Variants in GPC6 observed in about 807,000 individuals in gnomAD.
GPC6 encodes glypican-6.
In GPC6, 14 loss-of-function variants were observed where a neutral mutation model predicts 55.2. That is an observed-to-expected ratio of 0.25 (90% CI 0.17 to 0.40). GPC6 has a LOEUF of 0.40. Among genes scored for constraint, GPC6 ranks in the 10% least tolerant of loss-of-function variants. GPC6 has a pLI of 1.00. For synonymous variants in GPC6, 278 were observed against 259.6 expected, an observed-to-expected ratio of 1.07 and a Z score of -0.68; for missense variants, 641 against 708.5, an observed-to-expected ratio of 0.90 and a Z score of 1.08.
chr13:94,187,586 T>C (rs576048430), intron 4 of GPC6, among the ~76,000 whole-genome samples: 1 of 152,222 alleles, frequency 6.6e-6, no homozygotes, highest in Admixed American at 6.5e-5. Flanking sequence ...AACATAAGAG[T>C]TGATCTTAAT....
intron 1 of GPC6, among the ~76,000 whole-genome samples, chr13:93,404,411 A>T (rs189663546): frequency 1.1e-4 from 17 of 152,284 alleles, no homozygotes; most frequent in Middle Eastern, 3.4e-3. Flanking sequence ...CCATCATAAA[A>T]GTGTTAAGTC....
chr13:93,283,439 T>C (rs1335387611), intron 1 of GPC6, among the ~76,000 whole-genome samples: 3 of 152,186 alleles, frequency 2.0e-5, no homozygotes, highest in Non-Finnish European at 4.4e-5. Flanking sequence ...CTATCAGTAA[T>C]TCATTAGGGA....
chr13:93,773,892 G>A (rs1885379537), intron 2 of GPC6, among the ~76,000 whole-genome samples: 1 of 152,152 alleles, frequency 6.6e-6, no homozygotes, highest in African/African-American at 2.4e-5. Flanking sequence ...CTTCTTTTAA[G>A]GGAGAGATTT....
At chr13:94,401,725 T>C (rs1461665926) in intron 8 of GPC6, among the ~76,000 whole-genome samples, 1 of 152,232 alleles carries the variant, frequency 6.6e-6, no homozygotes, top group Non-Finnish European at 1.5e-5. Context: ...ACATACACTT[T>C]TTACATGTCA....
Position 93,227,492 on chromosome 13 carries a change from C to T in GPC6, c.36C>T (p.Leu12=), listed in dbSNP as rs1430836595. The T allele has an allele frequency of 8.7e-6, 14 of 1,613,934 alleles. No individual in the cohort carries two copies. Among genetic ancestry groups the T allele is most frequent in the Non-Finnish European group, 1.1e-5 (13 of 1,179,854 alleles). Residue 12 remains leucine, a synonymous_variant, in exon 1 of 9, where the codon CTC becomes CTT. Transcript: ENST00000377047. This position sits in a 1 kb window ranked among gnomAD's most constrained non-coding sequence, Gnocchi z 4.3. ...GGATCGGGGCTGTGATTCTTCCCCTCTTGGGGCTGCTGCTCTCCCTCCCCG... is the reference window on the plus strand; with the variant it reads ...GGATCGGGGCTGTGATTCTTCCCCTTTTGGGGCTGCTGCTCTCCCTCCCCG... ...PSWIGAVILP[L]LGLLLSLPAG... is the part of the protein sequence containing the mutation.
intron 3 of GPC6, among the ~76,000 whole-genome samples, chr13:93,959,273 C>G (rs755368585): frequency 2.6e-5 from 4 of 151,892 alleles, no homozygotes; most frequent in Non-Finnish European, 5.9e-5. Flanking sequence ...AGCGATTCTC[C>G]TGCCTCAGCC....
intron 3 of GPC6, among the ~76,000 whole-genome samples, chr13:94,000,050 A>G (rs1256885989): frequency 6.6e-6 from 1 of 152,174 alleles, no homozygotes; most frequent in Non-Finnish European, 1.5e-5. Flanking sequence ...TTGCTCTGCA[A>G]TGATTTTGCG....
At chr13:93,777,965 C>T (rs1238551054) in intron 2 of GPC6, among the ~76,000 whole-genome samples, 4 of 152,172 alleles carry the variant, frequency 2.6e-5, no homozygotes, top group African/African-American at 9.7e-5. Flanking sequence ...ACCAGAAGAA[C>T]ACTCAGTGTA....
intron 4 of GPC6, among the ~76,000 whole-genome samples, chr13:94,145,722 C>A (rs565823788): frequency 6.6e-6 from 1 of 152,098 alleles, no homozygotes. Flanking sequence ...CAAAGATGAG[C>A]GGACCCTAAG....
At chr13:93,380,887 C>T (rs1430494841) in intron 1 of GPC6, among the ~76,000 whole-genome samples, 1 of 152,136 alleles carries the variant, frequency 6.6e-6, no homozygotes, top group South Asian at 2.1e-4. Flanking sequence ...TGGTCCCTGA[C>T]TCTATGCTCA....
chr13:93,315,023 G>A (rs1038635195), intron 1 of GPC6, among the ~76,000 whole-genome samples: 3 of 152,060 alleles, frequency 2.0e-5, no homozygotes, highest in African/African-American at 7.2e-5. Flanking sequence ...GTTGAAAACA[G>A]TACATTGTTG....
intron 4 of GPC6, among the ~76,000 whole-genome samples, chr13:94,153,672 G>T (rs1887825265): frequency 6.6e-6 from 1 of 152,168 alleles, no homozygotes; most frequent in Non-Finnish European, 1.5e-5. Context: ...GGTATAGTAT[G>T]TATTAGTACA....
chr13:94,365,825 T>C (rs1015592367), intron 6 of GPC6, among the ~76,000 whole-genome samples: 6 of 152,208 alleles, frequency 3.9e-5, no homozygotes, highest in Non-Finnish European at 8.8e-5. Context: ...TGTTTCCTGG[T>C]AAGTTCCAAA....
At position 94,403,116 on chromosome 13, in the gene GPC6, G is replaced by C; in HGVS notation, c.1567G>C (p.Asp523His). 6.2e-7 allele frequency: 1 copy of C among 1,613,794 alleles called. No homozygotes were observed. The highest frequency in any genetic ancestry group is 1.1e-5 in the South Asian group (1 of 91,074). ...VTTEAPAVDPDRREVDSSAAQ... is the reference protein window; with the variant it reads ...VTTEAPAVDPHRREVDSSAAQ... ...CACAGAGGCCCCCGCAGTGGATCCC[G>C]ACCGGAGAGAGGTGGACTCTTCTGC... The change falls in exon 9 of 9, where the codon GAC (aspartate) becomes CAC (histidine). Residue 523 changes from aspartate to histidine, a missense_variant. By Grantham distance (81) the Asp-to-His change is moderately conservative. Coordinates refer to ENST00000377047, the MANE Select transcript of GPC6 (RefSeq NM_005708.5).
At chr13:93,750,780 G>A (rs188198553) in intron 2 of GPC6, among the ~76,000 whole-genome samples, 11 of 152,316 alleles carry the variant, frequency 7.2e-5, no homozygotes, top group Admixed American at 4.6e-4. Context: ...TTGGATGGGC[G>A]TGAGGCCAGG....
intron 2 of GPC6, among the ~76,000 whole-genome samples, chr13:93,643,632 T>C (rs1163769667): frequency 6.6e-6 from 1 of 152,100 alleles, no homozygotes; most frequent in Non-Finnish European, 1.5e-5. Flanking sequence ...TCTTCTTTCC[T>C]GGTAAGGGGA....
At chr13:94,201,898 G>A (rs571293719) in intron 4 of GPC6, among the ~76,000 whole-genome samples, 2 of 152,246 alleles carry the variant, frequency 1.3e-5, no homozygotes, top group South Asian at 2.1e-4. Flanking sequence ...GCAGTGAGCC[G>A]AGATTGTGCC....
intron 3 of GPC6, among the ~76,000 whole-genome samples, chr13:93,857,556 T>C (rs1022117291): frequency 6.6e-6 from 1 of 151,624 alleles, no homozygotes; most frequent in Non-Finnish European, 1.5e-5. Context: ...TTCAGCCCAC[T>C]TTCAGGTCTT....
intron 2 of GPC6, among the ~76,000 whole-genome samples, chr13:93,781,284 A>G (rs1885641912): frequency 6.6e-6 from 1 of 151,994 alleles, no homozygotes; most frequent in Non-Finnish European, 1.5e-5. Context: ...CCGAAAAAAA[A>G]AAAAAAGAAA....
Sources: allele counts gnomAD v4.1 joint callset (sites outside exome capture counted in the v4.1 genomes callset), GRCh38; gene constraint gnomAD v4.1.1; non-coding constraint Gnocchi (gnomAD v3.1); transcripts MANE v1.5; gene names NCBI Gene and HGNC (gene_info 2026-07-23, HGNC 2026-07-21).